GOLGA1: variants seen among roughly 807,000 people sequenced by gnomAD.
GOLGA1 encodes golgin A1.
A neutral mutation model predicts 119.7 loss-of-function variants in GOLGA1; 63 were observed. The observed-to-expected ratio is 0.53, with a 90% CI of 0.43 to 0.65. GOLGA1 has a LOEUF of 0.65. Among genes scored for constraint, GOLGA1 ranks in the 30% least tolerant of loss-of-function variants. The pLI is 0.00. For synonymous variants in GOLGA1, 318 were observed against 333.4 expected, an observed-to-expected ratio of 0.95 and a Z score of 0.50; for missense variants, 798 against 912.8, an observed-to-expected ratio of 0.87 and a Z score of 1.62.
At chr9:124,939,777 G>A (rs1235365520) in intron 2 of GOLGA1, among the ~76,000 whole-genome samples, 1 of 151,962 alleles carries the variant, frequency 6.6e-6, no homozygotes, top group Non-Finnish European at 1.5e-5. Context: ...GGTCAGGCTG[G>A]TCTCAAACTC....
At chr9:124,903,653 A>G (rs1417481469) in intron 12 of GOLGA1, among the ~76,000 whole-genome samples, 1 of 24,776 alleles carries the variant, frequency 4.0e-5, no homozygotes, top group African/African-American at 1.6e-4. Context: ...AAAAAGACCA[A>G]AAAAAAAAAA....
chr9:124,931,228 A>G (rs2131522089), intron 4 of GOLGA1, 88 bp downstream of exon 4: 1 of 734,454 alleles, frequency 1.4e-6, no homozygotes, highest in Admixed American at 1.9e-5. Context: ...AAATAACTAT[A>G]AAGTCATCCT....
At chr9:124,907,830 T>C (rs1830263724) in intron 12 of GOLGA1, among the ~76,000 whole-genome samples, 2 of 152,100 alleles carry the variant, frequency 1.3e-5, no homozygotes, top group South Asian at 4.1e-4. Flanking sequence ...AAGGCATATA[T>C]AGGAACGCTC....
At chr9:124,884,004 T>C (rs905055627) in intron 19 of GOLGA1, among the ~76,000 whole-genome samples, 5 of 152,030 alleles carry the variant, frequency 3.3e-5, no homozygotes, top group African/African-American at 1.2e-4. Context: ...CTTCATAATA[T>C]AGGGAAAAAA....
chr9:124,927,558 A>T (rs1830698167), intron 6 of GOLGA1, among the ~76,000 whole-genome samples: 1 of 152,252 alleles, frequency 6.6e-6, no homozygotes, highest in Non-Finnish European at 1.5e-5. Context: ...TTAATAAATC[A>T]AAATTAACAT....
rs1253515153 is a variant in GOLGA1 at position 124,946,929 on chromosome 9, A to AC, written c.-156+988dup. The AC allele has an allele frequency of 6.6e-6, 1 of 152,188 alleles. No homozygotes were observed. Among genetic ancestry groups the AC allele is most frequent in the Non-Finnish European group, 1.5e-5 (1 of 68,044 alleles). 9.4% of individuals were successfully genotyped at this position (152,188 alleles called of 1,614,324 possible). On this transcript the variant is annotated intron_variant, in intron 1 of 4. Transcript: ENST00000421514. This position sits in a 1 kb window ranked among gnomAD's most constrained non-coding sequence, Gnocchi z 4.0. Reference sequence around the variant, plus strand: ...AAAATCTGTAGCCGGAAATGCCAAGACAGGACTAAATTAATCATAGCTGCT... The same window carrying AC: ...AAAATCTGTAGCCGGAAATGCCAAGACCAGGACTAAATTAATCATAGCTGCT...
intron 19 of GOLGA1, 68 bp from the exon 20 acceptor site, chr9:124,882,637 G>A (rs1033088081): frequency 3.9e-6 from 5 of 1,296,898 alleles, no homozygotes; most frequent in Middle Eastern, 1.8e-4. Context: ...AAACAGACCC[G>A]AAGATCCCAC....
At chr9:124,880,918 G>A (rs770445624) in intron 22 of GOLGA1, among the ~76,000 whole-genome samples, 4 of 152,330 alleles carry the variant, frequency 2.6e-5, no homozygotes, top group South Asian at 2.1e-4. Context: ...TGGGGCTCTC[G>A]ATAAAGCGCT....
rs142814558 is a variant in GOLGA1, at chr9:124,889,234, G to A, written c.1670C>T (p.Ala557Val). Residue 557 changes from alanine (A) to valine (V), a missense_variant, in exon 18 of 23, where the codon GCG becomes GTG. Physicochemically the swap from Ala to Val is moderately conservative, Grantham distance 64 (BLOSUM62 0). Transcript: ENST00000373555. ...AELEALRTLKAEEAAVVAEQE... is the reference protein window; with the variant it reads ...AELEALRTLKVEEAAVVAEQE... ...CTCCGCGACCACTGCAGCCTCCTCC[G>A]CCTTGAGGGTCCTCAGGGCCTCCAG... The A allele has an allele frequency of 2.0e-4, 328 of 1,613,570 alleles. No individual in the cohort carries two copies. Among genetic ancestry groups the A allele is most frequent in the South Asian group, 3.4e-4 (31 of 91,066 alleles).
chr9:124,909,285 C>A (rs145327987), intron 11 of GOLGA1, among the ~76,000 whole-genome samples: 23 of 151,346 alleles, frequency 1.5e-4, no homozygotes, highest in African/African-American at 4.6e-4. Context: ...GAACTCCAGC[C>A]TGGGTGACAG....
At position 124,888,893 on chromosome 9, in the gene GOLGA1, G is replaced by C. The variant is rs1219219555; in HGVS notation, c.1761+250C>G. 6.6e-6 allele frequency among the ~76,000 whole-genome samples: 1 copy of C among 152,118 alleles called. No individual in the cohort carries two copies. Among genetic ancestry groups the C allele is most frequent in the African/African-American group, 2.4e-5 (1 of 41,416 alleles). On this transcript the variant is annotated intron_variant, in intron 18 of 22. Coordinates refer to ENST00000373555, the MANE Select transcript of GOLGA1 (RefSeq NM_002077.4). This position sits in a 1 kb window ranked among gnomAD's most constrained non-coding sequence, Gnocchi z 4.4. ...TTTTTGTATTTTTAGTAGAGACTGG[G>C]TTTCACCGTGTTAGCCAGGATGGTC...
chr9:124,920,572 A>G (rs941181221), intron 10 of GOLGA1, among the ~76,000 whole-genome samples: 1 of 152,176 alleles, frequency 6.6e-6, no homozygotes, highest in African/African-American at 2.4e-5. Context: ...AGTATGTCAA[A>G]GGTACAGCCC....
intron 12 of GOLGA1, among the ~76,000 whole-genome samples, chr9:124,901,465 C>CAT (rs1209095668): frequency 1.4e-5 from 2 of 141,656 alleles, no homozygotes; most frequent in Non-Finnish European, 3.1e-5. Flanking sequence ...GATGGAGTCT[C>CAT]ACTCTGTTGC....
Position 124,888,396 on chromosome 9 carries a change from C to T in GOLGA1, c.1762G>A (p.Val588Met), listed in dbSNP as rs1829774955. Residue 588 changes from valine (V) to methionine (M), a missense_variant and splice_region_variant, in exon 19 of 23, where the codon GTG becomes ATG. Coordinates refer to ENST00000373555, the MANE Select transcript of GOLGA1 (RefSeq NM_002077.4). The surrounding 1 kb of genome is among the most constrained non-coding windows in gnomAD (Gnocchi z 4.4). ...GGGTCCTGCATGGCCCTCGAGGTCA[C>T]CTACAAGGTGGCAGCAGCAAATTGA... is the stretch of plus-strand genomic sequence containing the variant. ...AEALSVNESH[V>M]TSRAMQDPVF... 2 of 1,613,810 alleles carry T rather than the reference C, an allele frequency of 1.2e-6. No homozygotes were observed. The highest frequency in any genetic ancestry group is 1.3e-5 in the African/African-American group (1 of 74,902).
Position 124,938,743 on chromosome 9 carries a change from G to C in GOLGA1, c.-32C>G. The C allele has an allele frequency of 1.3e-6, 2 of 1,597,840 alleles. No homozygotes were observed. The highest frequency in any genetic ancestry group is 1.7e-6 in the Non-Finnish European group (2 of 1,171,016). On this transcript the variant is annotated 5_prime_UTR_variant, in exon 3 of 23. Transcript: ENST00000373555. ...TGTGTGGCTATCCTGCACAGATGACGAGCTCTCAGTAGTCCTGGTGCCTGT... is the reference window on the plus strand; with the variant it reads ...TGTGTGGCTATCCTGCACAGATGACCAGCTCTCAGTAGTCCTGGTGCCTGT...
chr9:124,882,068 C>T (rs1004353870), intron 20 of GOLGA1, 114 bp from the exon 21 acceptor site: 1 of 736,908 alleles, frequency 1.4e-6, no homozygotes, highest in Non-Finnish European at 2.2e-6. Context: ...CAAAAAGGGC[C>T]CCACCTGGGA....
intron 4 of GOLGA1, among the ~76,000 whole-genome samples, chr9:124,930,780 G>C (rs918874007): frequency 1.3e-5 from 2 of 152,192 alleles, no homozygotes; most frequent in Non-Finnish European, 2.9e-5. Flanking sequence ...GGATATAATG[G>C]GAGCTGTGTA....
intron 5 of GOLGA1, 53 bp from the exon 6 acceptor site, chr9:124,928,338 G>T: frequency 1.1e-6 from 1 of 919,062 alleles, no homozygotes; most frequent in South Asian, 1.4e-5. Flanking sequence ...GAAACAGCAT[G>T]ACAAATAGCC....
upstream of GOLGA1, chr9:124,943,377 G>A (rs969752599): frequency 6.6e-6 from 1 of 151,816 alleles, no homozygotes; most frequent in Non-Finnish European, 1.5e-5. Context: ...ACAAATGAAC[G>A]ACAAGATTGT....
Sources: gnomAD v4.1 joint callset for allele counts (sites outside exome capture counted in the v4.1 genomes callset) on GRCh38, gnomAD v4.1.1 for gene constraint, Gnocchi (gnomAD v3.1) non-coding constraint, MANE v1.5 for transcripts, NCBI Gene and HGNC (gene_info 2026-07-23, HGNC 2026-07-21) for gene names.